Variants in ZBTB20 observed in about 807,000 individuals in gnomAD.
ZBTB20 encodes the protein zinc finger and BTB domain-containing protein 20.
In ZBTB20, 9 loss-of-function variants were observed where a neutral mutation model predicts 56.9. That is an observed-to-expected ratio of 0.16 (90% CI 0.10 to 0.28). The LOEUF is 0.28. ZBTB20 is among the 10% of genes least tolerant of loss of function. The probability of loss-of-function intolerance (pLI) is 1.00; values close to 1 mark genes in which losing one functional copy is unlikely to be tolerated. For missense variants in ZBTB20, 655 were observed against 1,003.0 expected, an observed-to-expected ratio of 0.65 and a Z score of 4.69; for synonymous variants, 417 against 420.7, an observed-to-expected ratio of 0.99 and a Z score of 0.11.
chr3:114,773,005 G>A (rs918397942), intron 5 of ZBTB20, among the ~76,000 whole-genome samples: 4 of 152,168 alleles, frequency 2.6e-5, no homozygotes, highest in African/African-American at 9.7e-5. Flanking sequence ...GATGTCAAGT[G>A]TAATAATGAT....
intron 3 of ZBTB20, among the ~76,000 whole-genome samples, chr3:114,925,810 G>A (rs1247909873): frequency 6.6e-6 from 1 of 152,180 alleles, no homozygotes; most frequent in Admixed American, 6.5e-5. Flanking sequence ...ACAGGTGTGA[G>A]CCACTGTGCC....
At chr3:114,497,799 G>A (rs190271570) in intron 7 of ZBTB20, among the ~76,000 whole-genome samples, 8 of 152,290 alleles carry the variant, frequency 5.3e-5, no homozygotes, top group Admixed American at 5.2e-4. Context: ...TTCCATAAAT[G>A]TTTGTTGAAT....
Position 114,997,155 on chromosome 3 carries a change from G to A in ZBTB20, c.-506-22739C>T, listed in dbSNP as rs146814104. Among the ~76,000 whole-genome samples, 82 of 151,912 alleles carry A rather than the reference G, an allele frequency of 5.4e-4. 3 individuals carry two copies. Among genetic ancestry groups the A allele is most frequent in the Admixed American group, 1.1e-3 (16 of 15,218 alleles). On this transcript the variant is annotated intron_variant, in intron 2 of 11. Transcript: ENST00000675478. The stretch of plus-strand genomic sequence containing the variant: ...GAGAGGTTTAACTTGGAAAACAGAA[G>A]ACAAAGAGAGAAATCTCCAGTATCA...
At chr3:114,565,625 T>TA (rs1233140510) in intron 6 of ZBTB20, among the ~76,000 whole-genome samples, 1 of 152,206 alleles carries the variant, frequency 6.6e-6, no homozygotes, top group Non-Finnish European at 1.5e-5. Flanking sequence ...CAGGAGATAA[T>TA]ACGGTAGCGA....
At position 114,413,797 on chromosome 3, in the gene ZBTB20, A is replaced by G. The variant is rs550234082; in HGVS notation, c.-254-24692T>C. On this transcript the variant is annotated intron_variant, in intron 7 of 11. Coordinates refer to ENST00000675478, the MANE Select transcript of ZBTB20 (RefSeq NM_001348800.3). ...AGATGAGAGAAGTAAGGATCAGGGA[A>G]GTTCAGAGACGAAAAGTAAATTAAC... Among the ~76,000 whole-genome samples, 6 of 152,280 alleles carry G rather than the reference A, an allele frequency of 3.9e-5. No individual in the cohort carries two copies. In the South Asian group the frequency reaches 8.3e-4, roughly 21 times the overall value.
chr3:115,141,704 C>T (rs2084815763), intron 1 of ZBTB20, among the ~76,000 whole-genome samples: 1 of 152,166 alleles, frequency 6.6e-6, no homozygotes, highest in South Asian at 2.1e-4. Context: ...TAAAACCTTT[C>T]TTTGTCTCTA....
In ZBTB20 at chr3:114,380,237, G is replaced by C; in HGVS notation, c.179C>G (p.Ala60Gly). 1 of 1,536,976 alleles carries C rather than the reference G, an allele frequency of 6.5e-7. No individual in the cohort carries two copies. The highest frequency in any genetic ancestry group is 8.7e-7 in the Non-Finnish European group (1 of 1,146,762). ...CTCACAATCAGATGACCCGGTGTGA[G>C]CGTGAGAGTTTGTCAGTGAATGTGT... The part of the protein sequence containing the change: ...HSTHSLTNSH[A>G]HTGSSDCDIS... Residue 60 changes from alanine to glycine, a missense_variant, in exon 10 of 12, where the codon GCT (alanine) becomes GGT (glycine). By Grantham distance (60) the Ala-to-Gly change is moderately conservative (BLOSUM62 0). Coordinates refer to ENST00000675478, the MANE Select transcript of ZBTB20 (RefSeq NM_001348800.3).
chr3:115,136,604 A>T (rs1488827397), intron 1 of ZBTB20, among the ~76,000 whole-genome samples: 1 of 152,162 alleles, frequency 6.6e-6, no homozygotes, highest in Non-Finnish European at 1.5e-5. Context: ...TTTGTGCATT[A>T]TAAAACTCAT....
At chr3:114,635,865 G>A (rs1031208875) in intron 6 of ZBTB20, among the ~76,000 whole-genome samples, 1 of 151,958 alleles carries the variant, frequency 6.6e-6, no homozygotes, top group Non-Finnish European at 1.5e-5. Flanking sequence ...GAGAGGGAAA[G>A]GGGTAGAAAG....
chr3:114,481,644 G>C (rs1203049919), intron 7 of ZBTB20, among the ~76,000 whole-genome samples: 1 of 152,154 alleles, frequency 6.6e-6, no homozygotes, highest in Non-Finnish European at 1.5e-5. Flanking sequence ...TAAATAATCT[G>C]TTTCCTCTCT....
At chr3:114,837,357 G>T (rs1261223972) in intron 4 of ZBTB20, among the ~76,000 whole-genome samples, 3 of 152,240 alleles carry the variant, frequency 2.0e-5, no homozygotes, top group East Asian at 3.9e-4. Flanking sequence ...ATCTATTACA[G>T]CATAACAACT....
intron 2 of ZBTB20, among the ~76,000 whole-genome samples, chr3:115,050,817 T>C (rs1438256526): frequency 6.6e-6 from 1 of 152,080 alleles, no homozygotes; most frequent in African/African-American, 2.4e-5. Flanking sequence ...ACTGTGTAGT[T>C]TTCCCTACAG....
At chr3:114,812,250 C>T (rs780193379) in intron 4 of ZBTB20, among the ~76,000 whole-genome samples, 34 of 152,264 alleles carry the variant, frequency 2.2e-4, no homozygotes, top group Non-Finnish European at 4.0e-4. Context: ...GCTGAGTGGT[C>T]TGTTTTGACA....
chr3:114,425,644 T>C (rs2089581320), intron 7 of ZBTB20, among the ~76,000 whole-genome samples: 2 of 152,202 alleles, frequency 1.3e-5, no homozygotes, highest in Non-Finnish European at 1.5e-5. Flanking sequence ...CATAGTTTTT[T>C]CTTCTTATAC....
chr3:114,976,602 G>T (rs1301141193), intron 2 of ZBTB20, among the ~76,000 whole-genome samples: 1 of 151,276 alleles, frequency 6.6e-6, no homozygotes, highest in African/African-American at 2.4e-5. Flanking sequence ...CTTCAGCCTG[G>T]GTGATAAGAG....
intron 1 of ZBTB20, among the ~76,000 whole-genome samples, chr3:115,106,390 C>G (rs980224485): frequency 6.6e-6 from 1 of 151,530 alleles, no homozygotes; most frequent in Non-Finnish European, 1.5e-5. Context: ...CCCGCCACCA[C>G]GCCCAGCTAA....
intron 6 of ZBTB20, among the ~76,000 whole-genome samples, chr3:114,670,711 G>A (rs2061318996): frequency 6.6e-6 from 1 of 152,044 alleles, no homozygotes. Context: ...TTACTATCTT[G>A]CTCTAGAGAA....
At chr3:114,920,274 T>C (rs765730507) in intron 3 of ZBTB20, among the ~76,000 whole-genome samples, 14 of 152,148 alleles carry the variant, frequency 9.2e-5, no homozygotes, top group South Asian at 8.3e-4. Flanking sequence ...ACAGACCAAA[T>C]AGACCTACAG....
At chr3:114,553,924 C>T (rs1302726938) in intron 6 of ZBTB20, among the ~76,000 whole-genome samples, 1 of 152,164 alleles carries the variant, frequency 6.6e-6, no homozygotes, top group Non-Finnish European at 1.5e-5. Context: ...AAATCTCCTA[C>T]ATAAAGGTTT....
Sources: allele counts gnomAD v4.1 joint callset (sites outside exome capture counted in the v4.1 genomes callset), GRCh38; gene constraint gnomAD v4.1.1; transcripts MANE v1.5; gene names NCBI Gene and HGNC (gene_info 2026-07-23, HGNC 2026-07-21).